Variants in DCDC1 observed in about 807,000 individuals in gnomAD.
The protein encoded by DCDC1 is doublecortin domain containing 1.
A neutral mutation model predicts 178.3 loss-of-function variants in DCDC1; 200 were observed. That is an observed-to-expected ratio of 1.12 (90% CI 1.00 to 1.26). The LOEUF (loss-of-function observed/expected upper bound fraction) is 1.26, where lower values mean the gene tolerates loss of function less well. Among genes scored for constraint, DCDC1 ranks in the 50% most tolerant of loss-of-function variants. DCDC1 has a pLI of 0.00. For synonymous variants in DCDC1, 690 were observed against 604.8 expected, an observed-to-expected ratio of 1.14 and a Z score of -2.07; for missense variants, 1,983 against 1,749.2, an observed-to-expected ratio of 1.13 and a Z score of -2.38.
chr11:31,279,419 G>A (rs1470276296), intron 7 of DCDC1, among the ~76,000 whole-genome samples: 1 of 152,116 alleles, frequency 6.6e-6, no homozygotes, highest in Non-Finnish European at 1.5e-5. Flanking sequence ...GTTCAAGAGT[G>A]AAGTTTATAA....
intron 8 of DCDC1, among the ~76,000 whole-genome samples, chr11:31,252,046 T>C (rs970723519): frequency 9.2e-5 from 14 of 152,186 alleles, no homozygotes; most frequent in Admixed American, 2.6e-4. Context: ...ATAGTGTTAA[T>C]AGAATGATAA....
intron 1 of DCDC1, among the ~76,000 whole-genome samples, chr11:31,366,878 A>T (rs1448568461): frequency 2.0e-5 from 3 of 152,212 alleles, no homozygotes; most frequent in Admixed American, 1.3e-4. Context: ...GTAAGGAAAC[A>T]ATAACGAAGA....
chr11:31,213,487 C>T (rs1315393724), intron 9 of DCDC1, among the ~76,000 whole-genome samples: 7 of 151,928 alleles, frequency 4.6e-5, no homozygotes, highest in South Asian at 4.2e-4. Flanking sequence ...TTTGGGAGGC[C>T]GAGATGGGCG....
chr11:31,134,839 T>A (rs1393649929), intron 10 of DCDC1, among the ~76,000 whole-genome samples: 3 of 151,956 alleles, frequency 2.0e-5, no homozygotes, highest in Non-Finnish European at 2.9e-5. Context: ...TACAAAAAAA[T>A]TTTTAAATGA....
At chr11:31,268,783 G>C (rs577597990) in intron 7 of DCDC1, among the ~76,000 whole-genome samples, 2 of 152,292 alleles carry the variant, frequency 1.3e-5, no homozygotes, top group South Asian at 4.1e-4. Flanking sequence ...AGTTCTTTGA[G>C]AAAACTCCTT....
At chr11:30,987,844 A>G (rs1407325753) in intron 20 of DCDC1, among the ~76,000 whole-genome samples, 2 of 152,052 alleles carry the variant, frequency 1.3e-5, no homozygotes, top group Non-Finnish European at 2.9e-5. Context: ...CATTAGTGTT[A>G]GTGTATTTTA....
intron 20 of DCDC1, among the ~76,000 whole-genome samples, chr11:30,974,129 A>G (rs375044081): frequency 6.6e-6 from 1 of 152,268 alleles, no homozygotes; most frequent in East Asian, 1.9e-4. Context: ...CATTCTCCTG[A>G]ATGACCATTG....
chr11:31,217,439 T>C (rs1973730152), intron 9 of DCDC1, among the ~76,000 whole-genome samples: 1 of 152,124 alleles, frequency 6.6e-6, no homozygotes, highest in African/African-American at 2.4e-5. Flanking sequence ...GTAAGTTAAA[T>C]CACAAATGGG....
At chr11:31,238,045 TA>T in intron 9 of DCDC1, among the ~76,000 whole-genome samples, 1 of 152,148 alleles carries the variant, frequency 6.6e-6, no homozygotes, top group South Asian at 2.1e-4. Context: ...TGAACAGCTT[TA>T]AATGATTAAA....
At chr11:30,961,977 C>T (rs532786421) in intron 20 of DCDC1, among the ~76,000 whole-genome samples, 36 of 152,000 alleles carry the variant, frequency 2.4e-4, no homozygotes, top group Non-Finnish European at 4.0e-4. Flanking sequence ...TTAGATGCAC[C>T]GCTGAAACCT....
intron 9 of DCDC1, among the ~76,000 whole-genome samples, chr11:31,187,922 C>T (rs1969694320): frequency 6.6e-6 from 1 of 152,154 alleles, no homozygotes. Context: ...CTGAGTAACC[C>T]ATTTATAATA....
intron 38 of DCDC1, among the ~76,000 whole-genome samples, chr11:30,876,252 A>T (rs1942109734): frequency 6.6e-6 from 1 of 152,180 alleles, no homozygotes; most frequent in Non-Finnish European, 1.5e-5. Context: ...AATTTGATAA[A>T]CATGTTCCCA....
At chr11:31,269,889 G>T (rs551611049) in intron 7 of DCDC1, among the ~76,000 whole-genome samples, 5 of 152,236 alleles carry the variant, frequency 3.3e-5, no homozygotes, top group South Asian at 2.1e-4. Flanking sequence ...TCCTGGAATG[G>T]CCAGAACCTC....
At chr11:31,346,442 C>A (rs1015144336) in intron 1 of DCDC1, among the ~76,000 whole-genome samples, 2 of 128,594 alleles carry the variant, frequency 1.6e-5, no homozygotes, top group Non-Finnish European at 3.1e-5. Context: ...CCAGCCTGGG[C>A]GACAGAAGGA....
At position 31,290,768 on chromosome 11, in the gene DCDC1, G is replaced by C. The variant is rs370579706; in HGVS notation, c.839C>G (p.Pro280Arg). ...PTDIKRRKTK[P>R]VLSIRMKKLT... ...TTTCTTCATTCTAATAGAAAGAACA[G>C]GCTTGGTTTTCCGTCTTTTGATATC... Residue 280 changes from proline (P) to arginine (R), a missense_variant, in exon 7 of 39, where the codon CCT becomes CGT. Coordinates refer to ENST00000684477, the MANE Select transcript of DCDC1 (RefSeq NM_001387274.1). The C allele has an allele frequency of 6.2e-7, 1 of 1,613,450 alleles. No individual in the cohort carries two copies. The highest frequency in any genetic ancestry group is 1.7e-5 in the Admixed American group (1 of 59,962).
intron 7 of DCDC1, among the ~76,000 whole-genome samples, chr11:31,281,251 T>G (rs1051808616): frequency 1.3e-5 from 2 of 152,084 alleles, no homozygotes; most frequent in Non-Finnish European, 2.9e-5. Flanking sequence ...ACTTTTTTCT[T>G]GCCTTATCAC....
chr11:31,179,256 AC>A (rs1196150259), intron 9 of DCDC1, among the ~76,000 whole-genome samples: 1 of 152,150 alleles, frequency 6.6e-6, no homozygotes, highest in Non-Finnish European at 1.5e-5. Context: ...GAAAACTACT[AC>A]TACACTATGA....
chr11:31,083,709 C>T (rs781274049), intron 17 of DCDC1, among the ~76,000 whole-genome samples: 4 of 152,094 alleles, frequency 2.6e-5, no homozygotes, highest in South Asian at 2.1e-4. Flanking sequence ...TATAGGCTCA[C>T]GACTAATTCA....
chr11:31,104,196 T>C (rs1406813077), intron 13 of DCDC1, among the ~76,000 whole-genome samples: 2 of 152,210 alleles, frequency 1.3e-5, no homozygotes. Context: ...CCATGCTGAT[T>C]TGATTTTCAT....
Sources: allele counts gnomAD v4.1 joint callset (sites outside exome capture counted in the v4.1 genomes callset), GRCh38; gene constraint gnomAD v4.1.1; transcripts MANE v1.5; gene names NCBI Gene and HGNC (gene_info 2026-07-23, HGNC 2026-07-21).